Variants in ESPL1 observed in about 807,000 individuals in gnomAD.
The protein encoded by ESPL1 is separin.
Under a neutral mutation model 217.2 loss-of-function variants are expected in ESPL1, and 50 were observed. That is an observed-to-expected ratio of 0.23 (90% CI 0.18 to 0.29). The LOEUF is 0.29. ESPL1 is among the 10% of genes least tolerant of loss of function. The pLI is 1.00. For synonymous variants in ESPL1, 994 were observed against 1,081.3 expected (o/e 0.92, Z 1.58); for missense variants, 1,834 against 2,603.0 (o/e 0.70, Z 6.43).
Position 53,292,413 on chromosome 12 carries a change from G to C in ESPL1, c.5912+20G>C, listed in dbSNP as rs781004998. ...CAGCAGGTCAGGGGCGCGAAGACAA[G>C]AAGACGTGTGGGGAAGGGTAGACAA... On this transcript the variant is annotated intron_variant, in intron 28 of 30. Transcript: ENST00000257934. This position sits in a 1 kb window ranked among gnomAD's most constrained non-coding sequence, Gnocchi z 4.5. 31 of 1,563,228 alleles carry C rather than the reference G, an allele frequency of 2.0e-5. No individual in the cohort carries two copies. In the Admixed American group the frequency reaches 5.2e-4, roughly 26 times the overall value.
intron 6 of ESPL1, among the ~76,000 whole-genome samples, 169 bp from the exon 7 acceptor site, chr12:53,274,648 A>G (rs534905654): frequency 6.6e-6 from 1 of 152,136 alleles, no homozygotes; most frequent in Admixed American, 6.6e-5. Flanking sequence ...AGGCACTCAG[A>G]GTATTTCATT....
chr12:53,292,151 G>A lies in ESPL1; in HGVS notation c.5796+63G>A. On this transcript the variant is annotated intron_variant, in intron 27 of 30. Transcript: ENST00000257934. This position sits in a 1 kb window ranked among gnomAD's most constrained non-coding sequence, Gnocchi z 4.5. ...ACTGGGGAAGACGTCAACAAAGAAG[G>A]GCAGAGAAACCTGAGAAGATAGGAG... 3.4e-6 allele frequency: 5 copies of A among 1,470,482 alleles called. No homozygotes were observed. The highest frequency in any genetic ancestry group is 1.4e-5 in the African/African-American group (1 of 72,148). The allele number at this position is 1,470,482 out of a possible 1,614,324, so 91.1% of individuals were successfully genotyped here.
Position 53,269,852 on chromosome 12 carries a change from G to A in ESPL1, c.910G>A (p.Gly304Arg), listed in dbSNP as rs766872358. 6.2e-7 allele frequency: 1 copy of A among 1,614,218 alleles called. No individual in the cohort carries two copies. Among genetic ancestry groups the A allele is most frequent in the South Asian group, 1.1e-5 (1 of 91,086 alleles). The change falls in exon 3 of 31, where the codon GGG (glycine) becomes AGG (arginine). Residue 304 changes from glycine to arginine, a missense_variant. Gly to Arg is a moderately radical substitution (Grantham distance 125). Coordinates refer to ENST00000257934, the MANE Select transcript of ESPL1 (RefSeq NM_012291.5). This position sits in a 1 kb window ranked among gnomAD's most constrained non-coding sequence, Gnocchi z 6.7. ...GCTGGGGGTTAAGCTGCTGCAGGTT[G>A]GGGAGGAAGGACCTCAGGCAGTGGC... is the stretch of plus-strand genomic sequence containing the variant. ...CQLGVKLLQV[G>R]EEGPQAVAKL... is the part of the protein sequence containing the mutation.
chr12:53,284,997 C>A lies in ESPL1; in HGVS notation c.3187+830C>A, dbSNP rs796829566. ...TTGCACTCCAGCCCGGGTGACAGTG[C>A]GAGACTCTGACTCAAAAAAAAAAAA... On this transcript the variant is annotated intron_variant, in intron 17 of 30. Coordinates refer to ENST00000257934, the MANE Select transcript of ESPL1 (RefSeq NM_012291.5). 2.9e-5 allele frequency among the ~76,000 whole-genome samples: 3 copies of A among 105,224 alleles called. 1 individual carries two copies. In the Admixed American group the frequency reaches 4.4e-4, roughly 15 times the overall value. The allele number at this position is 105,224 out of a possible 152,430, so 69.0% of individuals were successfully genotyped here.
Position 53,292,980 on chromosome 12 carries a change from C to T in ESPL1, c.6161+10C>T. The T allele has an allele frequency of 6.2e-7, 1 of 1,610,950 alleles. No individual in the cohort carries two copies. The highest frequency in any genetic ancestry group is 8.5e-7 in the Non-Finnish European group (1 of 1,178,862). ...ACATCATGGCTGGTTGGTGAGTCTC[C>T]AAGGGCAAGACCCATCCTAGGGCAT... On this transcript the variant is annotated intron_variant, in intron 30 of 30. Transcript: ENST00000257934. The surrounding 1 kb of genome is among the most constrained non-coding windows in gnomAD (Gnocchi z 4.5).
Position 53,286,856 on chromosome 12 carries a change from A to T in ESPL1, c.4120A>T (p.Lys1374Ter). 6.2e-7 allele frequency: 1 copy of T among 1,613,710 alleles called. No individual in the cohort carries two copies. Among genetic ancestry groups the T allele is most frequent in the Non-Finnish European group, 8.5e-7 (1 of 1,179,888 alleles). The change falls in exon 18 of 31, where the codon AAG (lysine) becomes TAG (stop). Residue 1374 changes from lysine (K) to a stop codon, truncating the protein, a stop_gained. Coordinates refer to ENST00000257934, the MANE Select transcript of ESPL1 (RefSeq NM_012291.5). LOFTEE classifies it high-confidence loss of function. This position sits in a 1 kb window ranked among gnomAD's most constrained non-coding sequence, Gnocchi z 5.3. ...TGAGGAAGTCTGCCCTACAGAGAGCAAGCCTGAAGTACCCCAGGCCCCCAG... is the reference window on the plus strand; with the variant it reads ...TGAGGAAGTCTGCCCTACAGAGAGCTAGCCTGAAGTACCCCAGGCCCCCAG... ...VFEEVCPTES[K>*]PEVPQAPRVQ... is the part of the protein sequence containing the mutation.
In ESPL1 at chr12:53,282,642, AG is replaced by A. The variant is rs549374243; in HGVS notation, c.2791+209del. Reference sequence around the variant, plus strand: ...TGACTGCCTGGAATACTAGGCTGAAAGGATTTTTTTTTCTTTTCTTTTTTTT... The same window carrying A: ...TGACTGCCTGGAATACTAGGCTGAAAGATTTTTTTTTCTTTTCTTTTTTTT... On this transcript the variant is annotated intron_variant, in intron 14 of 30. Transcript: ENST00000257934. This position sits in a 1 kb window ranked among gnomAD's most constrained non-coding sequence, Gnocchi z 4.0. Among the ~76,000 whole-genome samples the A allele has an allele frequency of 9.5e-4, 145 of 152,240 alleles. No homozygotes were observed. Among genetic ancestry groups the A allele is most frequent in the Non-Finnish European group, 1.6e-3 (112 of 68,010 alleles).
chr12:53,284,172 G>A lies in ESPL1; in HGVS notation c.3187+5G>A, dbSNP rs753437304. On this transcript the variant is annotated splice_donor_5th_base_variant and intron_variant, in intron 17 of 30. Coordinates refer to ENST00000257934, the MANE Select transcript of ESPL1 (RefSeq NM_012291.5). The stretch of plus-strand genomic sequence containing the variant: ...TCTTGCTTGAGTCTTGCACAGGTGA[G>A]CAGCCATGTCCCCATGACCATAGGC... 4 of 1,565,374 alleles carry A rather than the reference G, an allele frequency of 2.6e-6. No homozygotes were observed. In the South Asian group the frequency reaches 3.3e-5, roughly 13 times the overall value.
rs1172764061 is a variant in ESPL1 at position 53,286,017 on chromosome 12, T to C, written c.3281T>C (p.Leu1094Pro). The change falls in exon 18 of 31, where the codon CTC becomes CCC. Residue 1094 changes from leucine (L) to proline (P), a missense_variant. Leu to Pro is a moderately conservative substitution (Grantham distance 98, BLOSUM62 -3). Coordinates refer to ENST00000257934, the MANE Select transcript of ESPL1 (RefSeq NM_012291.5). This position sits in a 1 kb window ranked among gnomAD's most constrained non-coding sequence, Gnocchi z 5.3. ...QQAQVPCPPQLPEEELFLRGP... is the reference protein window; with the variant it reads ...QQAQVPCPPQPPEEELFLRGP... ...GCCCAGGTCCCCTGTCCTCCACAGC[T>C]CCCAGAGGAGGAGCTCTTCCTAAGA... 2 of 1,605,680 alleles carry C rather than the reference T, an allele frequency of 1.2e-6. No individual in the cohort carries two copies. The highest frequency in any genetic ancestry group is 4.5e-5 in the East Asian group (2 of 44,646).
rs528831111 is a variant in ESPL1, at chr12:53,275,031, A to G, written c.1700+21A>G. On this transcript the variant is annotated intron_variant, in intron 7 of 30. Transcript: ENST00000257934. ...CTAAAGTGAGTTGAGGGCCAGACGC[A>G]GTGGCTCATGCTTGTAATCCCAGCA... The G allele has an allele frequency of 1.7e-5, 25 of 1,500,110 alleles. No individual in the cohort carries two copies. The Admixed American group carries it at 3.0e-4, about 18-fold the overall frequency. 92.9% of individuals were successfully genotyped at this position (1,500,110 alleles called of 1,614,324 possible).
At chr12:53,283,030 T>C (rs1609474) in intron 14 of ESPL1, 99 bp from the exon 15 acceptor site, 960,748 of 1,491,500 alleles carry the variant, frequency 0.64, 312,870 homozygotes, top group East Asian at 0.81. Context: ...CCTGCCTTAA[T>C]GCAGAAGGAA....
intron 24 of ESPL1, 27 bp downstream of exon 24, chr12:53,290,496 C>A: frequency 6.2e-7 from 1 of 1,610,258 alleles, no homozygotes; most frequent in Non-Finnish European, 8.5e-7. Context: ...TGGGGTCAGG[C>A]CTGCTCTAGG....
chr12:53,290,472 G>A lies in ESPL1; in HGVS notation c.5364+3G>A, dbSNP rs1344914588. ...TGGCACTGGACCACAGGATGGAGGT[G>A]TGTGCTTCTGGGGTGGGGTCAGGCC... On this transcript the variant is annotated splice_donor_region_variant and intron_variant, in intron 24 of 30. Coordinates refer to ENST00000257934, the MANE Select transcript of ESPL1 (RefSeq NM_012291.5). 2 of 1,611,936 alleles carry A rather than the reference G, an allele frequency of 1.2e-6. No individual in the cohort carries two copies. Among genetic ancestry groups the A allele is most frequent in the Admixed American group, 3.3e-5 (2 of 59,966 alleles).
chr12:53,274,516 C>G, intron 6 of ESPL1: 1 of 270,598 alleles, frequency 3.7e-6, no homozygotes. Flanking sequence ...TCAGAGATGG[C>G]CCCACATTTC....
At chr12:53,277,302 A>G (rs1943785856) in intron 9 of ESPL1, 75 bp downstream of exon 9, 10 of 1,533,948 alleles carry the variant, frequency 6.5e-6, no homozygotes, top group Non-Finnish European at 8.8e-6. Context: ...ACAAGTTGGT[A>G]TCAGCCCTTT....
At chr12:53,275,079 G>A (rs1943742936) in intron 7 of ESPL1, 69 bp downstream of exon 7, 2 of 1,280,230 alleles carry the variant, frequency 1.6e-6, no homozygotes, top group Admixed American at 5.9e-5. Context: ...GAGGCGGGTG[G>A]ATCACTTGAG....
Position 53,290,163 on chromosome 12 carries a change from A to C in ESPL1, c.5192A>C (p.Glu1731Ala). ...AACACCCTCCTGCTGACCCGGCTGG[A>C]AAAGGACAGTCCCCCAGTCAGTGTG... ...VGNTLLLTRL[E>A]KDSPPVSVQI... Residue 1731 changes from glutamate (E) to alanine (A), a missense_variant, in exon 23 of 31, where the codon GAA (glutamate) becomes GCA (alanine). This residue lies in a region of ESPL1 where 295 missense variants were observed against 519.8 expected (regional missense o/e 0.57). Transcript: ENST00000257934. 6.2e-7 allele frequency: 1 copy of C among 1,614,132 alleles called. No individual in the cohort carries two copies. The highest frequency in any genetic ancestry group is 8.5e-7 in the Non-Finnish European group (1 of 1,180,004).
intron 5 of ESPL1, 95 bp from the exon 6 acceptor site, chr12:53,272,626 C>A: frequency 6.9e-7 from 1 of 1,438,984 alleles, no homozygotes; most frequent in South Asian, 1.3e-5. Context: ...AGCTGCTGAA[C>A]TGACCACAGA....
At chr12:53,268,921 A>G (rs758525990) in intron 2 of ESPL1, 74 bp downstream of exon 2, 10 of 1,501,176 alleles carry the variant, frequency 6.7e-6, no homozygotes, top group Non-Finnish European at 9.2e-6. Context: ...TTTTGAAGAG[A>G]TGGATAAGTA....
Sources: allele counts gnomAD v4.1 joint callset (sites outside exome capture counted in the v4.1 genomes callset), GRCh38; gene constraint gnomAD v4.1.1; regional missense constraint gnomAD v4.1.1; non-coding constraint Gnocchi (gnomAD v3.1); transcripts MANE v1.5; gene names NCBI Gene and HGNC (gene_info 2026-07-23, HGNC 2026-07-21).